Variants in PTPRD observed in about 807,000 individuals in gnomAD.
The protein encoded by PTPRD is protein tyrosine phosphatase receptor type D, also known as receptor-type tyrosine-protein phosphatase delta.
A neutral mutation model predicts 214.5 loss-of-function variants in PTPRD; 34 were observed. The observed-to-expected ratio is 0.16, with a 90% CI of 0.12 to 0.21. PTPRD has a LOEUF of 0.21. PTPRD is among the 10% of genes least tolerant of loss of function. PTPRD has a pLI of 1.00. For synonymous variants in PTPRD, 1,128 were observed against 845.7 expected (o/e 1.33, Z -5.79); for missense variants, 2,545 against 2,398.7 (o/e 1.06, Z -1.27).
At chr9:8,718,425 T>C (rs1011742669) in intron 12 of PTPRD, among the ~76,000 whole-genome samples, 2 of 152,198 alleles carry the variant, frequency 1.3e-5, no homozygotes, top group African/African-American at 2.4e-5. Context: ...GTATGTGTTG[T>C]TCAGTTGCTA....
At chr9:10,277,801 A>G (rs1360954057) in intron 3 of PTPRD, among the ~76,000 whole-genome samples, 2 of 152,126 alleles carry the variant, frequency 1.3e-5, no homozygotes, top group Non-Finnish European at 2.9e-5. Flanking sequence ...ATCCTTCCCC[A>G]AGGAGATTCT....
chr9:8,561,522 G>A lies in PTPRD; in HGVS notation c.353-32743C>T, dbSNP rs2086336123. ...GGTGGGCTAGGGTGCACCCAGCTCA[G>A]CCATGGGCCAAGCCGGTGTACAAGC... On this transcript the variant is annotated intron_variant, in intron 14 of 45. Coordinates refer to ENST00000381196, the MANE Select transcript of PTPRD (RefSeq NM_002839.4). 2.6e-5 allele frequency among the ~76,000 whole-genome samples: 4 copies of A among 152,136 alleles called. No homozygotes were observed. In the South Asian group the frequency reaches 8.3e-4, roughly 31 times the overall value.
intron 10 of PTPRD, among the ~76,000 whole-genome samples, chr9:9,113,559 G>A (rs2099809113): frequency 6.6e-6 from 1 of 152,038 alleles, no homozygotes; most frequent in South Asian, 2.1e-4. Context: ...GTGAGAAAAG[G>A]GATGTTTTTT....
At chr9:8,707,435 T>C (rs2098233546) in intron 12 of PTPRD, among the ~76,000 whole-genome samples, 1 of 152,240 alleles carries the variant, frequency 6.6e-6, no homozygotes, top group African/African-American at 2.4e-5. Context: ...AGTAACCATG[T>C]AAAAATAAAA....
intron 11 of PTPRD, among the ~76,000 whole-genome samples, chr9:8,738,280 T>C (rs1359286827): frequency 2.6e-5 from 4 of 152,198 alleles, no homozygotes; most frequent in African/African-American, 7.2e-5. Context: ...ATCCAACTCT[T>C]TTTCTTCAAC....
intron 11 of PTPRD, among the ~76,000 whole-genome samples, chr9:8,755,219 A>G (rs77590332): frequency 7.3e-6 from 1 of 137,568 alleles, no homozygotes; most frequent in Middle Eastern, 3.7e-3. Context: ...TGTTATTATT[A>G]AAAAAAAAAA....
intron 11 of PTPRD, among the ~76,000 whole-genome samples, chr9:8,765,356 T>C (rs1445710250): frequency 2.0e-5 from 3 of 152,190 alleles, no homozygotes; most frequent in Non-Finnish European, 4.4e-5. Flanking sequence ...ATAAAAACCA[T>C]GACTTCCCTC....
At chr9:9,101,211 G>A (rs952198914) in intron 10 of PTPRD, among the ~76,000 whole-genome samples, 3 of 151,784 alleles carry the variant, frequency 2.0e-5, no homozygotes, top group African/African-American at 7.3e-5. Context: ...AAAAAAAAAT[G>A]CTCATTATAG....
At chr9:9,000,264 G>T (rs1010757980) in intron 11 of PTPRD, among the ~76,000 whole-genome samples, 2 of 152,058 alleles carry the variant, frequency 1.3e-5, no homozygotes, top group Admixed American at 6.6e-5. Flanking sequence ...ACCCATAAAG[G>T]TCTTTAATTA....
At chr9:8,518,510 A>G (rs1000253551) in intron 20 of PTPRD, 81 bp from the exon 21 acceptor site, 4 of 1,021,784 alleles carry the variant, frequency 3.9e-6, no homozygotes, top group African/African-American at 3.2e-5. Flanking sequence ...TACTATGAAA[A>G]TGACAGGATT....
Position 8,998,742 on chromosome 9 carries a change from C to G in PTPRD, c.-104+19955G>C, listed in dbSNP as rs992373348. On this transcript the variant is annotated intron_variant, in intron 11 of 45. Coordinates refer to ENST00000381196, the MANE Select transcript of PTPRD (RefSeq NM_002839.4). ...GGATCTGAGCAAAGTAAATCTAAAACCTTCTGGAAAGTATTCACTAGTCTA... is the reference window on the plus strand; with the variant it reads ...GGATCTGAGCAAAGTAAATCTAAAAGCTTCTGGAAAGTATTCACTAGTCTA... 7.9e-5 allele frequency among the ~76,000 whole-genome samples: 12 copies of G among 152,126 alleles called. No homozygotes were observed. In the South Asian group the frequency reaches 1.0e-3, roughly 13 times the overall value.
At chr9:8,665,062 A>G (rs1175390905) in intron 12 of PTPRD, among the ~76,000 whole-genome samples, 5 of 152,336 alleles carry the variant, frequency 3.3e-5, no homozygotes, top group African/African-American at 9.6e-5. Flanking sequence ...CTACAGCAAT[A>G]AAAGTAAAGC....
chr9:8,335,919 C>G (rs1846196148), intron 43 of PTPRD, among the ~76,000 whole-genome samples: 1 of 151,830 alleles, frequency 6.6e-6, no homozygotes, highest in African/African-American at 2.4e-5. Context: ...TGTGAAGGAC[C>G]TCTTCAAGGA....
intron 9 of PTPRD, among the ~76,000 whole-genome samples, chr9:9,328,495 C>A (rs918417907): frequency 2.6e-5 from 4 of 151,840 alleles, no homozygotes; most frequent in Non-Finnish European, 4.4e-5. Context: ...ATGCTTCAAC[C>A]TGGCTGGTAA....
chr9:10,302,674 T>C (rs1218104205), intron 3 of PTPRD, among the ~76,000 whole-genome samples: 3 of 152,176 alleles, frequency 2.0e-5, no homozygotes, highest in African/African-American at 7.2e-5. Context: ...AGAAGGGCAT[T>C]ACATAATGGT....
At chr9:9,967,391 G>A (rs558178196) in intron 4 of PTPRD, among the ~76,000 whole-genome samples, 7 of 152,130 alleles carry the variant, frequency 4.6e-5, no homozygotes, top group East Asian at 1.9e-4. Flanking sequence ...GAGAAGGGTC[G>A]TCACAGTAAG....
chr9:9,049,896 T>C (rs2099681387), intron 10 of PTPRD, among the ~76,000 whole-genome samples: 2 of 152,186 alleles, frequency 1.3e-5, no homozygotes, highest in Admixed American at 1.3e-4. Context: ...ACTTTGAGAT[T>C]AGAAACAAGT....
Position 10,124,008 on chromosome 9 carries a change from G to A in PTPRD, c.-544-90218C>T, listed in dbSNP as rs566305612. Among the ~76,000 whole-genome samples, 76 of 152,230 alleles carry A rather than the reference G, an allele frequency of 5.0e-4. 1 individual carries two copies. The highest frequency in any genetic ancestry group is 1.8e-3 in the African/African-American group (73 of 41,552). ...GTGAAGCTATCTAATTTTGTATATG[G>A]AGTGGAAACCCTGGAAGGAACATCT... On this transcript the variant is annotated intron_variant, in intron 3 of 45. Transcript: ENST00000381196.
chr9:10,574,597 T>C (rs1160820057), intron 2 of PTPRD, among the ~76,000 whole-genome samples: 1 of 151,958 alleles, frequency 6.6e-6, no homozygotes, highest in South Asian at 2.1e-4. Flanking sequence ...TCAAATACAT[T>C]TGTGGGTTAA....
Sources: allele counts gnomAD v4.1 joint callset (sites outside exome capture counted in the v4.1 genomes callset), GRCh38; gene constraint gnomAD v4.1.1; transcripts MANE v1.5; gene names NCBI Gene and HGNC (gene_info 2026-07-23, HGNC 2026-07-21).